Variants in PPP2R2B observed in about 807,000 individuals in gnomAD.
PPP2R2B encodes protein phosphatase 2 regulatory subunit Bbeta.
Under a neutral mutation model 46.0 loss-of-function variants are expected in PPP2R2B, and 5 were observed. The observed-to-expected ratio is 0.11, with a 90% confidence interval of 0.06 to 0.23. The LOEUF is 0.23. Among genes scored for constraint, PPP2R2B ranks in the 10% least tolerant of loss-of-function variants. PPP2R2B has a pLI of 1.00. For synonymous variants in PPP2R2B, 215 were observed against 206.7 expected (o/e 1.04, Z -0.34); for missense variants, 367 against 575.0 (o/e 0.64, Z 3.70).
chr5:146,592,870 C>G, intron 9 of PPP2R2B, 101 bp downstream of exon 9: 4 of 1,178,756 alleles, frequency 3.4e-6, no homozygotes, highest in Admixed American at 1.8e-5. Context: ...TTTTGGGGCC[C>G]AATTTTGACC....
At chr5:146,617,696 CTCTT>C (rs1773304230) in intron 7 of PPP2R2B, among the ~76,000 whole-genome samples, 2 of 147,212 alleles carry the variant, frequency 1.4e-5, no homozygotes, top group African/African-American at 2.6e-5. Context: ...CTCTCTCTCT[CTCTT>C]TTTTTTTTTT....
intron 2 of PPP2R2B, among the ~76,000 whole-genome samples, chr5:146,855,666 G>A (rs1760616619): frequency 6.6e-6 from 1 of 152,046 alleles, no homozygotes; most frequent in Non-Finnish European, 1.5e-5. Flanking sequence ...CTCTCTCAGG[G>A]TTCATACAAA....
upstream of PPP2R2B, among the ~76,000 whole-genome samples, chr5:147,060,257 C>T (rs1274656702): frequency 6.6e-6 from 1 of 152,134 alleles, no homozygotes; most frequent in Non-Finnish European, 1.5e-5. Context: ...CATTATTGAG[C>T]ATATTTATTG....
intron 8 of PPP2R2B, among the ~76,000 whole-genome samples, chr5:146,599,444 A>T (rs1411480778): frequency 6.6e-6 from 1 of 152,174 alleles, no homozygotes; most frequent in African/African-American, 2.4e-5. Flanking sequence ...TAAAACTCAC[A>T]ATGTTATTTC....
At chr5:147,040,652 T>C in intron 1 of PPP2R2B, 1 of 399,340 alleles carries the variant, frequency 2.5e-6, no homozygotes, top group Non-Finnish European at 4.9e-6. Context: ...TGAGCAAACA[T>C]GTAACATATA....
intron 2 of PPP2R2B, among the ~76,000 whole-genome samples, chr5:146,715,465 G>C (rs1421113166): frequency 6.6e-6 from 1 of 152,088 alleles, no homozygotes; most frequent in Non-Finnish European, 1.5e-5. Flanking sequence ...AGCCAGGCAC[G>C]GCGTTCGACC....
intron 7 of PPP2R2B, among the ~76,000 whole-genome samples, chr5:146,623,554 T>C (rs980870272): frequency 6.6e-6 from 1 of 152,260 alleles, no homozygotes; most frequent in Non-Finnish European, 1.5e-5. Flanking sequence ...ATTCTATTTT[T>C]CTCATATGTA....
chr5:146,626,815 G>A (rs987556157), intron 7 of PPP2R2B, among the ~76,000 whole-genome samples: 1 of 152,172 alleles, frequency 6.6e-6, no homozygotes, highest in South Asian at 2.1e-4. Flanking sequence ...GAGGGAGAGG[G>A]CAAGACCTGG....
At chr5:146,914,761 G>GATATGAAGCACCGCCAGGTC (rs1763317524) in intron 1 of PPP2R2B, among the ~76,000 whole-genome samples, 1 of 152,166 alleles carries the variant, frequency 6.6e-6, no homozygotes, top group African/African-American at 2.4e-5. Context: ...CATTTCTTTG[G>GATATGAAGCACCGCCAGGTC]CTACATAATG....
rs1236295045 is a variant in PPP2R2B, at chr5:146,878,164, G to A, written c.-93C>T. ...CCAGTCTCACAGGAGAGGGGGGCAGGGGAGCCAGTGGGACTGCACCATGGT... is the reference window on the plus strand; with the variant it reads ...CCAGTCTCACAGGAGAGGGGGGCAGAGGAGCCAGTGGGACTGCACCATGGT... On this transcript the variant is annotated 5_prime_UTR_variant, in exon 2 of 10. Transcript: ENST00000394411. This position sits in a 1 kb window ranked among gnomAD's most constrained non-coding sequence, Gnocchi z 4.5. 4 of 1,602,258 alleles carry A rather than the reference G, an allele frequency of 2.5e-6. No individual in the cohort carries two copies. Among genetic ancestry groups the A allele is most frequent in the Non-Finnish European group, 3.4e-6 (4 of 1,173,988 alleles).
chr5:146,983,692 CAT>C (rs1305544447), intron 1 of PPP2R2B, among the ~76,000 whole-genome samples: 3 of 152,028 alleles, frequency 2.0e-5, no homozygotes, highest in Non-Finnish European at 4.4e-5. Flanking sequence ...CAGACATTGT[CAT>C]AATTTTTGCT....
intron 1 of PPP2R2B, among the ~76,000 whole-genome samples, chr5:146,969,557 G>A (rs1311061946): frequency 2.0e-5 from 3 of 152,208 alleles, no homozygotes; most frequent in Admixed American, 6.5e-5. Context: ...GAAAGAGAGA[G>A]GCTAGACAAG....
chr5:146,711,732 T>C (rs1780221602), intron 2 of PPP2R2B, among the ~76,000 whole-genome samples: 1 of 152,182 alleles, frequency 6.6e-6, no homozygotes, highest in South Asian at 2.1e-4. Context: ...ACCAGAGATA[T>C]AGTAATAAAC....
chr5:146,847,163 C>G (rs1184640385), intron 2 of PPP2R2B, among the ~76,000 whole-genome samples: 1 of 152,216 alleles, frequency 6.6e-6, no homozygotes, highest in Non-Finnish European at 1.5e-5. Context: ...GGTCTTCTAC[C>G]TCTATCTCAT....
At chr5:146,911,214 G>C (rs1763170228) in intron 1 of PPP2R2B, among the ~76,000 whole-genome samples, 1 of 151,976 alleles carries the variant, frequency 6.6e-6, no homozygotes, top group Non-Finnish European at 1.5e-5. Context: ...CTCCTGAGTA[G>C]CTGAGACAAC....
rs1304131085 is a variant in PPP2R2B, at chr5:146,585,720, GAAAGCAATAGT to G, written c.*4216_*4226del. 6.6e-6 allele frequency: 1 copy of G among 152,210 alleles called. No homozygotes were observed. The highest frequency in any genetic ancestry group is 1.5e-5 in the Non-Finnish European group (1 of 68,036). The allele number at this position is 152,210 out of a possible 1,614,324, so 9.4% of individuals were successfully genotyped here. A position where few individuals can be genotyped will look rare whatever the true frequency, so the allele number is the denominator to read the frequency against. On this transcript the variant is annotated 3_prime_UTR_variant, in exon 10 of 10. Coordinates refer to ENST00000394411, the MANE Select transcript of PPP2R2B (RefSeq NM_181675.4). ...AGAGGAGATAATGAGATGAGGCATGGAAAGCAATAGTATATTACCCATCACTGTTGTTGCTA... is the reference window on the plus strand; with the variant it reads ...AGAGGAGATAATGAGATGAGGCATGGATATTACCCATCACTGTTGTTGCTA...
intron 7 of PPP2R2B, among the ~76,000 whole-genome samples, chr5:146,608,534 C>T (rs1772523210): frequency 6.6e-6 from 1 of 152,044 alleles, no homozygotes; most frequent in Non-Finnish European, 1.5e-5. Flanking sequence ...TGGTGGCTCA[C>T]ACCTGTAATC....
chr5:146,786,376 G>A (rs1755839119), intron 2 of PPP2R2B, among the ~76,000 whole-genome samples: 1 of 152,054 alleles, frequency 6.6e-6, no homozygotes, highest in African/African-American at 2.4e-5. Context: ...CAAGTGAAGC[G>A]CTCCTGGAGA....
At chr5:147,065,868 G>A (rs749540918) in intron 2 of PPP2R2B, among the ~76,000 whole-genome samples, 28 of 151,988 alleles carry the variant, frequency 1.8e-4, no homozygotes, top group Non-Finnish European at 3.8e-4. Flanking sequence ...GTGCCTGCTG[G>A]GTGCGGGTCC....
Sources: gnomAD v4.1 joint callset for allele counts (sites outside exome capture counted in the v4.1 genomes callset) on GRCh38, gnomAD v4.1.1 for gene constraint, Gnocchi (gnomAD v3.1) non-coding constraint, MANE v1.5 for transcripts, NCBI Gene and HGNC (gene_info 2026-07-23, HGNC 2026-07-21) for gene names.